The following CDH4 variants were observed in gnomAD, a reference collection of about 807,000 sequenced individuals.
CDH4 encodes cadherin-4.
CDH4 carries 33 observed loss-of-function variants against 86.0 expected under a neutral mutation model. That is an observed-to-expected ratio of 0.38 (90% CI 0.29 to 0.51). The LOEUF (loss-of-function observed/expected upper bound fraction) is 0.51. Among genes scored for constraint, CDH4 ranks in the 20% least tolerant of loss-of-function variants. The probability of loss-of-function intolerance (pLI) is 0.86; values close to 1 mark genes in which losing one functional copy is unlikely to be tolerated. For missense variants in CDH4, 1,114 were observed against 1,307.4 expected (o/e 0.85, Z 2.28); for synonymous variants, 555 against 549.4 (o/e 1.01, Z -0.14).
At chr20:61,258,084 C>T (rs1454326557) in intron 2 of CDH4, among the ~76,000 whole-genome samples, 1 of 152,038 alleles carries the variant, frequency 6.6e-6, no homozygotes, top group Non-Finnish European at 1.5e-5. Context: ...AATCCCAGCA[C>T]TTTGGGAGGC....
chr20:61,912,508 T>C (rs1794380071), intron 9 of CDH4, among the ~76,000 whole-genome samples: 1 of 152,226 alleles, frequency 6.6e-6, no homozygotes, highest in South Asian at 2.1e-4. Flanking sequence ...GCAGAAATAA[T>C]AGTGAAATGA....
At chr20:61,591,750 G>T (rs1169849452) in intron 2 of CDH4, among the ~76,000 whole-genome samples, 1 of 152,100 alleles carries the variant, frequency 6.6e-6, no homozygotes, top group Non-Finnish European at 1.5e-5. Flanking sequence ...GCATAATTTT[G>T]TAGCATCATG....
chr20:61,346,481 C>T lies in CDH4; in HGVS notation c.169+91544C>T, dbSNP rs143797706. The stretch of plus-strand genomic sequence containing the variant: ...TCTGCTGACCGGGCATGGTGGCTCA[C>T]GCCTGTAATCCCAGCACTTTGGGAG... On this transcript the variant is annotated intron_variant, in intron 2 of 15. Transcript: ENST00000614565. 5.8e-3 allele frequency among the ~76,000 whole-genome samples: 882 copies of T among 152,244 alleles called. 4 individuals are homozygous for T. Among genetic ancestry groups the T allele is most frequent in the African/African-American group, 0.019 (791 of 41,542 alleles).
chr20:61,263,167 C>T (rs1159682877), intron 2 of CDH4, among the ~76,000 whole-genome samples: 1 of 152,094 alleles, frequency 6.6e-6, no homozygotes, highest in Non-Finnish European at 1.5e-5. Flanking sequence ...TTTGCAGGCT[C>T]CTTCAGTCCC....
chr20:61,928,474 C>T (rs763437420), intron 12 of CDH4, 51 bp downstream of exon 12: 6 of 1,520,192 alleles, frequency 3.9e-6, no homozygotes, highest in Admixed American at 3.4e-5. Context: ...GGGGTGCAGG[C>T]CCCTGGGAGA....
intron 2 of CDH4, among the ~76,000 whole-genome samples, chr20:61,358,675 A>G (rs2084766951): frequency 6.6e-6 from 1 of 152,140 alleles, no homozygotes; most frequent in Admixed American, 6.5e-5. Context: ...TCTATTGCAA[A>G]CCTCACATTT....
intron 2 of CDH4, among the ~76,000 whole-genome samples, chr20:61,717,240 C>T (rs1207693262): frequency 6.6e-6 from 1 of 152,234 alleles, no homozygotes; most frequent in Admixed American, 6.5e-5. Flanking sequence ...GGAGCGGGAG[C>T]AGCCCAGGAC....
chr20:61,781,355 A>G (rs1203123737), intron 4 of CDH4, among the ~76,000 whole-genome samples: 2 of 152,210 alleles, frequency 1.3e-5, no homozygotes, highest in African/African-American at 2.4e-5. Context: ...GGCCTTTAAC[A>G]TAATGCTTTA....
At chr20:61,343,992 T>C (rs977005058) in intron 2 of CDH4, among the ~76,000 whole-genome samples, 6 of 152,064 alleles carry the variant, frequency 3.9e-5, no homozygotes, top group Admixed American at 2.6e-4. Flanking sequence ...GGATTGTACC[T>C]ACGTGAAGAA....
At chr20:61,382,168 G>A (rs555444614) in intron 2 of CDH4, among the ~76,000 whole-genome samples, 122 of 152,324 alleles carry the variant, frequency 8.0e-4, no homozygotes, top group Middle Eastern at 6.8e-3. Flanking sequence ...GTGGCATCAT[G>A]TTTCATTTAA....
At chr20:61,656,811 A>G (rs997311808) in intron 2 of CDH4, among the ~76,000 whole-genome samples, 6 of 152,208 alleles carry the variant, frequency 3.9e-5, no homozygotes, top group Admixed American at 3.3e-4. Context: ...GCTGCGGGCA[A>G]GTCCTGTGCC....
chr20:61,434,465 C>T (rs112001739), intron 2 of CDH4, among the ~76,000 whole-genome samples: 188 of 152,206 alleles, frequency 1.2e-3, no homozygotes, highest in African/African-American at 3.9e-3. Flanking sequence ...ACGTTCACCG[C>T]GGCGCTCAAA....
chr20:61,458,120 A>ATGG (rs570556793), intron 2 of CDH4, among the ~76,000 whole-genome samples: 1 of 144,668 alleles, frequency 6.9e-6, no homozygotes, highest in Admixed American at 6.9e-5. Flanking sequence ...GACAGTGCTG[A>ATGG]TGGTGGTGGT....
At chr20:61,791,922 GAGC>G (rs759834975) in intron 4 of CDH4, among the ~76,000 whole-genome samples, 18 of 152,064 alleles carry the variant, frequency 1.2e-4, no homozygotes, top group Admixed American at 3.3e-4. Flanking sequence ...GGGAGGGCAG[GAGC>G]AGGTCCCAGG....
intron 4 of CDH4, among the ~76,000 whole-genome samples, chr20:61,798,428 G>A (rs755668275): frequency 3.3e-5 from 5 of 152,216 alleles, no homozygotes; most frequent in South Asian, 2.1e-4. Flanking sequence ...TGCTACCTCC[G>A]TGCGCAGCAG....
In CDH4 at chr20:61,910,559, C is replaced by T. The variant is rs746820108; in HGVS notation, c.1326C>T (p.Ser442=). ...IISGDPSGHF[S]VRTDPVTNEG... is the part of the protein sequence containing the mutation. Reference sequence around the variant, plus strand: ...GTGGGGATCCATCCGGGCACTTCAGCGTCCGCACAGACCCCGTAACCAACG... The same window carrying T: ...GTGGGGATCCATCCGGGCACTTCAGTGTCCGCACAGACCCCGTAACCAACG... Residue 442 remains serine, a synonymous_variant, in exon 9 of 16, where the codon AGC becomes AGT. Transcript: ENST00000614565. The T allele has an allele frequency of 1.6e-5, 26 of 1,613,800 alleles. No homozygotes were observed. The highest frequency in any genetic ancestry group is 5.3e-5 in the African/African-American group (4 of 74,920).
chr20:61,290,497 C>A (rs1042454486), intron 2 of CDH4, among the ~76,000 whole-genome samples: 2 of 150,932 alleles, frequency 1.3e-5, no homozygotes, highest in African/African-American at 4.9e-5. Flanking sequence ...TGGATTTATC[C>A]CCATATCCAA....
At chr20:61,615,950 G>A (rs898168807) in intron 2 of CDH4, among the ~76,000 whole-genome samples, 1 of 152,180 alleles carries the variant, frequency 6.6e-6, no homozygotes, top group African/African-American at 2.4e-5. Flanking sequence ...TGTCTGAGAG[G>A]CCAAGAGAGC....
rs1242721380 is a variant in CDH4 at position 61,929,798 on chromosome 20, C to T, written c.2195C>T (p.Thr732Ile). 13 of 1,614,034 alleles carry T rather than the reference C, an allele frequency of 8.1e-6. No homozygotes were observed. The highest frequency in any genetic ancestry group is 1.0e-5 in the Non-Finnish European group (12 of 1,180,034). The change falls in exon 13 of 16, where the codon ACC (threonine) becomes ATC (isoleucine). Residue 732 changes from threonine (T) to isoleucine (I), a missense_variant. Thr to Ile is a moderately conservative substitution (Grantham distance 89). This residue lies in a region of CDH4 where 705 missense variants were observed against 914.1 expected (regional missense o/e 0.77). Transcript: ENST00000614565. ...IGAVAAAGLG[T>I]GAIVAILICI... Reference sequence around the variant, plus strand: ...GCAGTGGCAGCGGCTGGTCTGGGCACCGGTGCCATCGTGGCCATCCTCATC... The same window carrying T: ...GCAGTGGCAGCGGCTGGTCTGGGCATCGGTGCCATCGTGGCCATCCTCATC...
Sources: gnomAD v4.1 joint callset for allele counts (sites outside exome capture counted in the v4.1 genomes callset) on GRCh38, gnomAD v4.1.1 for gene constraint, gnomAD v4.1.1 regional missense constraint, MANE v1.5 for transcripts, NCBI Gene and HGNC (gene_info 2026-07-23, HGNC 2026-07-21) for gene names.